Variants in PIGU observed in about 807,000 individuals in gnomAD.
The protein encoded by PIGU is phosphatidylinositol glycan anchor biosynthesis class U, also known as GPI-anchor transamidase component PIGU.
PIGU carries 24 observed loss-of-function variants against 49.9 expected under a neutral mutation model. The ratio of observed to expected loss-of-function variants is 0.48; its 90% confidence interval spans 0.35 to 0.68. The LOEUF is 0.68. PIGU is among the 30% of genes least tolerant of loss of function. PIGU has a pLI of 0.01. For missense variants in PIGU, 490 were observed against 532.6 expected (o/e 0.92, Z 0.79); for synonymous variants, 220 against 205.7 (o/e 1.07, Z -0.59).
At chr20:34,608,071 CTTT>C (rs10555161) in intron 7 of PIGU, among the ~76,000 whole-genome samples, 99 of 123,790 alleles carry the variant, frequency 8.0e-4, no homozygotes, top group Admixed American at 1.3e-3. Context: ...GGAGACATGA[CTTT>C]TTTTTTTTTT....
intron 7 of PIGU, among the ~76,000 whole-genome samples, chr20:34,595,143 T>C (rs926264108): frequency 1.4e-5 from 2 of 148,128 alleles, no homozygotes; most frequent in African/African-American, 5.0e-5. Flanking sequence ...CATATATACA[T>C]GTATCTATTC....
At chr20:34,604,018 G>A (rs1984527165) in intron 7 of PIGU, among the ~76,000 whole-genome samples, 1 of 152,124 alleles carries the variant, frequency 6.6e-6, no homozygotes, top group Non-Finnish European at 1.5e-5. Flanking sequence ...CTCAAAAGGA[G>A]CCAGAAATAA....
At chr20:34,600,572 G>GGAGGAAGAAAAAAAA (rs1461118474) in intron 7 of PIGU, among the ~76,000 whole-genome samples, 1 of 151,242 alleles carries the variant, frequency 6.6e-6, no homozygotes, top group Non-Finnish European at 1.5e-5. Context: ...AGCAAAGAAG[G>GGAGGAAGAAAAAAAA]GAGGAAGAAA....
rs1434995370 is a variant in PIGU at position 34,562,389 on chromosome 20, C to G, written c.1195-1410G>C. On this transcript the variant is annotated intron_variant, in intron 11 of 11. Transcript: ENST00000217446. Reference sequence around the variant, plus strand: ...TGGGGCAAGACAGGTTGAGCTAAGCCTGGGATCTAGACCTCCAGACCCTGT... The same window carrying G: ...TGGGGCAAGACAGGTTGAGCTAAGCGTGGGATCTAGACCTCCAGACCCTGT... The G allele has an allele frequency of 6.3e-6, 8 of 1,266,926 alleles. No homozygotes were observed. The East Asian group carries it at 4.5e-4, about 71-fold the overall frequency. 78.5% of individuals were successfully genotyped at this position (1,266,926 alleles called of 1,614,324 possible).
intron 7 of PIGU, among the ~76,000 whole-genome samples, 170 bp downstream of exon 7, chr20:34,615,872 A>G (rs1984985636): frequency 6.6e-6 from 1 of 152,256 alleles, no homozygotes; most frequent in East Asian, 1.9e-4. Flanking sequence ...CTTAATGATA[A>G]TTAAGTCCAC....
At position 34,655,405 on chromosome 20, in the gene PIGU, C is replaced by T. The variant is rs554920780; in HGVS notation, c.195+1775G>A. ...CGGAAAGGGCAGTGGGACGCGGTGG[C>T]TCACGCCTGTAATCCCAGCACTTTG... On this transcript the variant is annotated intron_variant, in intron 2 of 11. Transcript: ENST00000217446. Among the ~76,000 whole-genome samples the T allele has an allele frequency of 2.0e-4, 24 of 121,294 alleles. 7 individuals carry two copies. The East Asian group carries it at 5.4e-3, about 27-fold the overall frequency. The allele number at this position is 121,294 out of a possible 152,430, so 79.6% of individuals were successfully genotyped here. A position where few individuals can be genotyped will look rare whatever the true frequency, so the allele number is the denominator to read the frequency against.
At chr20:34,590,999 C>T (rs1031588536) in intron 7 of PIGU, among the ~76,000 whole-genome samples, 6 of 148,730 alleles carry the variant, frequency 4.0e-5, no homozygotes, top group South Asian at 4.2e-4. Context: ...CCAGCCTGGG[C>T]GACAGAGCGA....
intron 10 of PIGU, among the ~76,000 whole-genome samples, chr20:34,575,658 T>C (rs1454571736): frequency 6.6e-6 from 1 of 152,128 alleles, no homozygotes; most frequent in Non-Finnish European, 1.5e-5. Context: ...AACCCCAGCA[T>C]GAACCGTGAC....
intron 11 of PIGU, among the ~76,000 whole-genome samples, chr20:34,571,489 T>G (rs1276057782): frequency 6.6e-6 from 1 of 152,228 alleles, no homozygotes; most frequent in Non-Finnish European, 1.5e-5. Context: ...GATACTTCCT[T>G]GAAATCTGTA....
At chr20:34,569,912 A>G (rs771005475) in intron 11 of PIGU, among the ~76,000 whole-genome samples, 2 of 152,228 alleles carry the variant, frequency 1.3e-5, no homozygotes, top group Non-Finnish European at 2.9e-5. Flanking sequence ...GATGTGACAA[A>G]CAAGACTGTG....
At chr20:34,574,468 C>G (rs1983139139) in intron 11 of PIGU, among the ~76,000 whole-genome samples, 1 of 152,152 alleles carries the variant, frequency 6.6e-6, no homozygotes, top group Admixed American at 6.5e-5. Flanking sequence ...CTCTGTGGAA[C>G]AGAGGGACAG....
chr20:34,596,148 G>A (rs990461082), intron 7 of PIGU, among the ~76,000 whole-genome samples: 1 of 152,084 alleles, frequency 6.6e-6, no homozygotes, highest in Non-Finnish European at 1.5e-5. Flanking sequence ...TGAACCCCTC[G>A]GTACAGTGCA....
In PIGU at chr20:34,651,626, A is replaced by T. The variant is rs75136333; in HGVS notation, c.195+5554T>A. Among the ~76,000 whole-genome samples, 255 of 152,206 alleles carry T rather than the reference A, an allele frequency of 1.7e-3. 3 individuals carry two copies. In the East Asian group the frequency reaches 0.022, roughly 13 times the overall value. On this transcript the variant is annotated intron_variant, in intron 2 of 11. Transcript: ENST00000217446. ...GCCCGTTCACCAATCCACCAGAACC[A>T]GAAGGGAAGTGCATGACCTGGTTTT...
intron 5 of PIGU, 44 bp from the exon 6 acceptor site, chr20:34,634,759 G>C (rs748587775): frequency 1.3e-6 from 2 of 1,597,068 alleles, no homozygotes. Context: ...TCCTGACCAA[G>C]GAGCCCTCGC....
At chr20:34,568,668 C>T (rs1026960996) in intron 11 of PIGU, among the ~76,000 whole-genome samples, 5 of 152,312 alleles carry the variant, frequency 3.3e-5, no homozygotes, top group African/African-American at 9.6e-5. Context: ...CTCCGGGAGA[C>T]AGGATTGTGG....
rs1986565232 is a variant in PIGU, at chr20:34,652,212, C to G, written c.195+4968G>C. Among the ~76,000 whole-genome samples the G allele has an allele frequency of 4.6e-5, 7 of 152,124 alleles. No individual in the cohort carries two copies. The South Asian group carries it at 1.2e-3, about 27-fold the overall frequency. On this transcript the variant is annotated intron_variant, in intron 2 of 11. Coordinates refer to ENST00000217446, the MANE Select transcript of PIGU (RefSeq NM_080476.5). ...GAGAAACAGAGTCTCACTATGTTGC[C>G]CAGGCTGGTCTTAAACTCCTAGGCT...
rs752760805 is a variant in PIGU, at chr20:34,657,231, A to G, written c.144T>C (p.Leu48=). 2 of 1,612,630 alleles carry G rather than the reference A, an allele frequency of 1.2e-6. No individual in the cohort carries two copies. Among genetic ancestry groups the G allele is most frequent in the African/African-American group, 2.7e-5 (2 of 74,888 alleles). The change falls in exon 2 of 12, where the codon CTT becomes CTC. Residue 48 remains leucine, a synonymous_variant. Transcript: ENST00000217446. The stretch of plus-strand genomic sequence containing the variant: ...GAGATACTCCCAAGTCCAACAGTGA[A>G]AGGCCTTCAACCACTGAAAAATTAG... ...LSSWKRVVEG[L]SLLDLGVSPY... is the part of the protein sequence containing the mutation.
At chr20:34,629,616 T>C (rs572091969) in intron 6 of PIGU, among the ~76,000 whole-genome samples, 4 of 152,318 alleles carry the variant, frequency 2.6e-5, no homozygotes, top group South Asian at 2.1e-4. Flanking sequence ...AGATGTATGA[T>C]CTAAGTAAAC....
chr20:34,627,768 C>A (rs1162723686), intron 6 of PIGU, among the ~76,000 whole-genome samples: 1 of 152,070 alleles, frequency 6.6e-6, no homozygotes, highest in Non-Finnish European at 1.5e-5. Context: ...ACACCAGACA[C>A]CTTGATAAAT....
Sources: allele counts gnomAD v4.1 joint callset (sites outside exome capture counted in the v4.1 genomes callset), GRCh38; gene constraint gnomAD v4.1.1; transcripts MANE v1.5; gene names NCBI Gene and HGNC (gene_info 2026-07-23, HGNC 2026-07-21).